Variants in ZNF280B observed in about 807,000 individuals in gnomAD.
The protein encoded by ZNF280B is zinc finger protein 280B, also known as suppressor of hairy wing homolog 2.
ZNF280B carries 16 observed loss-of-function variants against 38.0 expected under a neutral mutation model. The observed-to-expected ratio is 0.42, with a 90% CI of 0.28 to 0.64. The LOEUF (loss-of-function observed/expected upper bound fraction) is 0.64. Ranked by LOEUF, ZNF280B falls within the 30% of genes least tolerant of loss-of-function variation. ZNF280B has a pLI of 0.21. For synonymous variants in ZNF280B, 253 were observed against 230.6 expected (o/e 1.10, Z -0.88); for missense variants, 581 against 639.6 (o/e 0.91, Z 0.99).
intron 2 of ZNF280B, among the ~76,000 whole-genome samples, chr22:22,504,906 G>T (rs889716727): frequency 6.6e-6 from 1 of 151,942 alleles, no homozygotes; most frequent in Non-Finnish European, 1.5e-5. Context: ...GCCATGTATT[G>T]GTCTGGTGAT....
chr22:22,498,235 G>A (rs1445682108), intron 2 of ZNF280B, among the ~76,000 whole-genome samples: 1 of 151,942 alleles, frequency 6.6e-6, no homozygotes, highest in Non-Finnish European at 1.5e-5. Flanking sequence ...AATGGGTAAA[G>A]GGGTTTTACT....
intron 2 of ZNF280B, among the ~76,000 whole-genome samples, chr22:22,504,002 C>G (rs1442048554): frequency 6.6e-6 from 1 of 151,986 alleles, no homozygotes; most frequent in Non-Finnish European, 1.5e-5. Context: ...AATGCTAAAG[C>G]TCAACTCTCA....
rs2061502893 is a variant in ZNF280B at position 22,486,465 on chromosome 22, A to AG, written c.*1301dup. The AG allele has an allele frequency of 6.6e-6, 1 of 152,388 alleles. No homozygotes were observed. The highest frequency in any genetic ancestry group is 1.5e-5 in the Non-Finnish European group (1 of 68,030). The allele number at this position is 152,388 out of a possible 1,614,324, so 9.4% of individuals were successfully genotyped here. On this transcript the variant is annotated 3_prime_UTR_variant, in exon 4 of 4. Transcript: ENST00000626650. ...CAGTACAGTTCAAATTATAGATATT[A>AG]GGGCTTCTTCCCCTTGGGAAACTTG...
intron 2 of ZNF280B, among the ~76,000 whole-genome samples, chr22:22,507,554 C>CT (rs361803): frequency 1.2e-3 from 177 of 145,172 alleles, no homozygotes; most frequent in Admixed American, 1.9e-3. Context: ...CCCTGATGCT[C>CT]TTTTTTTTTT....
At chr22:22,493,166 G>A (rs540715248) in intron 3 of ZNF280B, among the ~76,000 whole-genome samples, 107 of 151,594 alleles carry the variant, frequency 7.1e-4, no homozygotes, top group African/African-American at 2.4e-3. Flanking sequence ...GCGCCACCAC[G>A]CCCAGCTAAT....
At position 22,508,142 on chromosome 22, in the gene ZNF280B, G is replaced by A. The variant is rs1385227602; in HGVS notation, c.-247-272C>T. 2.0e-5 allele frequency among the ~76,000 whole-genome samples: 3 copies of A among 151,946 alleles called. No individual in the cohort carries two copies. The East Asian group carries it at 5.9e-4, about 30-fold the overall frequency. ...GGACTCCATTAGGGTCCCAGGGGCT[G>A]CATTAAGAGTCCCGACAGCGACGCA... On this transcript the variant is annotated intron_variant, in intron 1 of 3. Coordinates refer to ENST00000626650, the MANE Select transcript of ZNF280B (RefSeq NM_080764.4).
In ZNF280B at chr22:22,488,222, T is replaced by C; in HGVS notation, c.1177A>G (p.Lys393Glu). The change falls in exon 4 of 4, where the codon AAG becomes GAG. Residue 393 changes from lysine to glutamate, a missense_variant. Transcript: ENST00000626650. ...ETDQVLLQHM[K>E]DHHKPGEMPY... ...ATTTCGCCAGGCTTATGATGGTCCT[T>C]CATGTGTTGTAAGAGGACCTGATCT... 6.2e-7 allele frequency: 1 copy of C among 1,613,894 alleles called. No homozygotes were observed.
intron 3 of ZNF280B, among the ~76,000 whole-genome samples, chr22:22,492,061 T>C (rs757153006): frequency 2.6e-5 from 4 of 151,960 alleles, no homozygotes; most frequent in Non-Finnish European, 5.9e-5. Context: ...TTGGAACATA[T>C]AGACAATATT....
At chr22:22,490,504 G>T in intron 3 of ZNF280B, among the ~76,000 whole-genome samples, 1 of 151,592 alleles carries the variant, frequency 6.6e-6, no homozygotes, top group Non-Finnish European at 1.5e-5. Flanking sequence ...TTTTTGAGAT[G>T]GAGTCCCGCT....
chr22:22,502,819 A>T (rs1161691219), intron 2 of ZNF280B, among the ~76,000 whole-genome samples: 1 of 151,998 alleles, frequency 6.6e-6, no homozygotes, highest in Non-Finnish European at 1.5e-5. Flanking sequence ...CCAAAATATC[A>T]GGTCCTAATC....
rs533475646 is a variant in ZNF280B at position 22,507,852 on chromosome 22, C to T, written c.-229G>A. 3.9e-5 allele frequency: 6 copies of T among 152,078 alleles called. No individual in the cohort carries two copies. In the East Asian group the frequency reaches 5.9e-4, roughly 15 times the overall value. 9.4% of individuals were successfully genotyped at this position (152,078 alleles called of 1,614,324 possible). ...GCAACTTTTAAGAACTTGAGCTATT[C>T]CAGGCAGAAGGTCACATCCTTGAGG... On this transcript the variant is annotated 5_prime_UTR_variant, in exon 2 of 4. Coordinates refer to ENST00000626650, the MANE Select transcript of ZNF280B (RefSeq NM_080764.4).
At chr22:22,490,964 T>C (rs1236526059) in intron 3 of ZNF280B, among the ~76,000 whole-genome samples, 1 of 151,862 alleles carries the variant, frequency 6.6e-6, no homozygotes, top group Non-Finnish European at 1.5e-5. Context: ...TCTTTTCCCT[T>C]TTCTTTCATC....
intron 2 of ZNF280B, among the ~76,000 whole-genome samples, chr22:22,502,528 TGTAAATTAATTGATAAATG>T (rs2061846197): frequency 6.6e-6 from 1 of 151,892 alleles, no homozygotes; most frequent in Non-Finnish European, 1.5e-5. Context: ...AACAACCGAA[TGTAAATTAATTGATAAATG>T]AATAAACGAA....
intron 2 of ZNF280B, among the ~76,000 whole-genome samples, chr22:22,504,966 G>T (rs548101773): frequency 6.6e-6 from 1 of 152,010 alleles, no homozygotes; most frequent in African/African-American, 2.4e-5. Flanking sequence ...ATTCCAGAAG[G>T]GGTAGTCAGA....
intron 2 of ZNF280B, among the ~76,000 whole-genome samples, chr22:22,499,265 A>T (rs1010401193): frequency 2.0e-5 from 3 of 151,274 alleles, no homozygotes; most frequent in Non-Finnish European, 1.5e-5. Flanking sequence ...ATTATTTTTA[A>T]TTTTAATTTT....
intron 1 of ZNF280B, among the ~76,000 whole-genome samples, chr22:22,508,378 GAGGCCCGGGCCC>G (rs1162683044): frequency 6.6e-6 from 1 of 151,930 alleles, no homozygotes; most frequent in African/African-American, 2.4e-5. Flanking sequence ...CCTTCTCCAG[GAGGCCCGGGCCC>G]AGCCCGGGGG....
chr22:22,505,274 C>A (rs1318156930), intron 2 of ZNF280B, among the ~76,000 whole-genome samples: 1 of 151,958 alleles, frequency 6.6e-6, no homozygotes, highest in East Asian at 2.0e-4. Context: ...ATTCTAAATT[C>A]TTCAGCTTTG....
In ZNF280B at chr22:22,487,447, T is replaced by TAAAAAAAAA. The variant is rs71199481; in HGVS notation, c.*311_*319dup. The stretch of plus-strand genomic sequence containing the variant: ...TAACAGTGAGACCCTGTCTCTAAAG[T>TAAAAAAAAA]AAAAAAAAAAAAAAAAAAAAAAAAA... On this transcript the variant is annotated 3_prime_UTR_variant, in exon 4 of 4. Transcript: ENST00000626650. 6 of 66,748 alleles carry TAAAAAAAAA rather than the reference T, an allele frequency of 9.0e-5. No homozygotes were observed. The highest frequency in any genetic ancestry group is 3.8e-4 in the South Asian group (1 of 2,606). The allele number at this position is 66,748 out of a possible 1,614,324, so 4.1% of individuals were successfully genotyped here.
Position 22,488,128 on chromosome 22 carries a change from G to T in ZNF280B, c.1271C>A (p.Thr424Lys). ...CAAATTCTTTGTGTTTTCATGGCAC[G>T]TTCTAAAATGTGTTTCTACATCAGC... ...VFADVETHFR[T>K]CHENTKNLLC... The change falls in exon 4 of 4, where the codon ACG becomes AAG. Residue 424 changes from threonine to lysine, a missense_variant. Transcript: ENST00000626650. 1 of 1,613,864 alleles carries T rather than the reference G, an allele frequency of 6.2e-7. No homozygotes were observed. Among genetic ancestry groups the T allele is most frequent in the Non-Finnish European group, 8.5e-7 (1 of 1,179,966 alleles).
Sources: allele counts gnomAD v4.1 joint callset (sites outside exome capture counted in the v4.1 genomes callset), GRCh38; gene constraint gnomAD v4.1.1; transcripts MANE v1.5; gene names NCBI Gene and HGNC (gene_info 2026-07-23, HGNC 2026-07-21).